The following ZNF365 variants were observed in gnomAD, a reference collection of about 807,000 sequenced individuals.
ZNF365 encodes the protein protein ZNF365.
A neutral mutation model predicts 35.0 loss-of-function variants in ZNF365; 22 were observed. That is an observed-to-expected ratio of 0.63 (90% CI 0.45 to 0.90). The LOEUF (loss-of-function observed/expected upper bound fraction) is 0.90. ZNF365 is among the 40% of genes least tolerant of loss of function. The pLI is 0.00. For synonymous variants in ZNF365, 188 were observed against 196.2 expected (o/e 0.96, Z 0.35); for missense variants, 448 against 500.3 (o/e 0.90, Z 1.00).
chr10:62,457,818 G>T (rs1412899710), intron 3 of ZNF365, among the ~76,000 whole-genome samples: 1 of 152,306 alleles, frequency 6.6e-6, no homozygotes, highest in East Asian at 1.9e-4. Context: ...GCATATCTGA[G>T]GTTGGTGGCT....
At chr10:62,457,955 C>G (rs1466116566) in intron 3 of ZNF365, among the ~76,000 whole-genome samples, 1 of 152,174 alleles carries the variant, frequency 6.6e-6, no homozygotes, top group Non-Finnish European at 1.5e-5. Flanking sequence ...TGTGGAATGC[C>G]AAATACCATA....
At chr10:62,439,412 C>G (rs1338271615) in intron 3 of ZNF365, among the ~76,000 whole-genome samples, 1 of 151,636 alleles carries the variant, frequency 6.6e-6, no homozygotes, top group Non-Finnish European at 1.5e-5. Context: ...TGTTGACTCA[C>G]TACCTAACAA....
At chr10:62,459,803 G>T in intron 4 of ZNF365, 1 of 1,606,248 alleles carries the variant, frequency 6.2e-7, no homozygotes, top group Non-Finnish European at 8.5e-7. Context: ...TGGAGGTAAA[G>T]CCACCACCTG....
chr10:62,454,345 T>A (rs1840729383), intron 3 of ZNF365, among the ~76,000 whole-genome samples: 1 of 152,242 alleles, frequency 6.6e-6, no homozygotes, highest in African/African-American at 2.4e-5. Flanking sequence ...TGCCAAGGAA[T>A]CCTGGGGCAC....
intron 3 of ZNF365, among the ~76,000 whole-genome samples, chr10:62,396,744 AC>A (rs1226921687): frequency 6.6e-6 from 1 of 152,206 alleles, no homozygotes; most frequent in East Asian, 1.9e-4. Context: ...ACATACACAC[AC>A]ATGTATTTGT....
chr10:62,472,572 G>A (rs1414629879), intron 4 of ZNF365, among the ~76,000 whole-genome samples: 1 of 152,112 alleles, frequency 6.6e-6, no homozygotes, highest in Non-Finnish European at 1.5e-5. Context: ...TGAGGAGAGG[G>A]GCCTGTGACA....
intron 4 of ZNF365, among the ~76,000 whole-genome samples, chr10:62,474,214 G>A (rs1008503292): frequency 6.6e-6 from 1 of 152,098 alleles, no homozygotes; most frequent in African/African-American, 2.4e-5. Flanking sequence ...TCATGGCTGG[G>A]GCCACCTTCC....
In ZNF365 at chr10:62,399,636, G is replaced by A. The variant is rs748458119; in HGVS notation, c.1071G>A (p.Met357Ile). Reference protein sequence around the residue: ...LKKAKDDRASMQPAKAIHEQA... With the variant: ...LKKAKDDRASIQPAKAIHEQA... ...AGGCCAAGGATGACAGAGCCAGCAT[G>A]CAGCCTGCCAAGGCCATTCACGAAC... The change falls in exon 5 of 5, where the codon ATG becomes ATA. Residue 357 changes from methionine to isoleucine, a missense_variant. Around this residue, in one of 3 missense-constraint regions of ZNF365, gnomAD observed 362 missense variants for 375.7 expected, o/e 0.96. Transcript: ENST00000395254. 1 of 1,614,178 alleles carries A rather than the reference G, an allele frequency of 6.2e-7. No individual in the cohort carries two copies. The highest frequency in any genetic ancestry group is 2.2e-5 in the East Asian group (1 of 44,882).
rs1374378888 is a variant in ZNF365, at chr10:62,376,863, G to A, written c.670G>A (p.Val224Met). The change falls in exon 2 of 5, where the codon GTG becomes ATG. Residue 224 changes from valine (V) to methionine (M), a missense_variant. Transcript: ENST00000395254. ...GCGGGCCTTAAACAGACAGGTGGAC[G>A]TGGCCGTGGAAATGATAGCTGTACT... The part of the protein sequence containing the change: ...RERALNRQVD[V>M]AVEMIAVLRQ... 5 of 1,614,168 alleles carry A rather than the reference G, an allele frequency of 3.1e-6. No homozygotes were observed. The highest frequency in any genetic ancestry group is 3.3e-5 in the Admixed American group (2 of 60,028).
chr10:62,390,044 A>G (rs1479118470), intron 3 of ZNF365, among the ~76,000 whole-genome samples: 1 of 151,998 alleles, frequency 6.6e-6, no homozygotes, highest in Admixed American at 6.5e-5. Context: ...GTCTTCTTTC[A>G]TCCTGCCCTC....
intron 3 of ZNF365, among the ~76,000 whole-genome samples, chr10:62,444,996 A>G (rs1436106468): frequency 2.0e-5 from 3 of 151,872 alleles, no homozygotes; most frequent in African/African-American, 4.8e-5. Flanking sequence ...TCATTGTTCA[A>G]TTCCCACCTA....
chr10:62,398,194 G>A (rs1839763836), intron 3 of ZNF365, among the ~76,000 whole-genome samples: 3 of 152,156 alleles, frequency 2.0e-5, no homozygotes, highest in South Asian at 4.1e-4. Context: ...TATGGAATCA[G>A]CCTAAGTGCC....
In ZNF365 at chr10:62,376,745, C is replaced by G. The variant is rs745928794; in HGVS notation, c.552C>G (p.Thr184=). ...RTIEKRIDKL[T]KELAQKTAEL... ...TTGAGAAGAGAATTGATAAACTCAC[C>G]AAAGAGTTGGCCCAGAAAACTGCGG... The change falls in exon 2 of 5, where the codon ACC becomes ACG. Residue 184 remains threonine (T), a synonymous_variant. Transcript: ENST00000395254. 47 of 1,614,064 alleles carry G rather than the reference C, an allele frequency of 2.9e-5. No homozygotes were observed. In the Admixed American group the frequency reaches 4.8e-4, roughly 17 times the overall value.
chr10:62,375,257 G>C (rs917755426), intron 1 of ZNF365, among the ~76,000 whole-genome samples: 3 of 152,168 alleles, frequency 2.0e-5, no homozygotes, highest in Admixed American at 2.0e-4. Flanking sequence ...GTTATTAAGA[G>C]AGTATGCTGA....
chr10:62,403,105 C>A (rs1391645806), downstream of ZNF365, among the ~76,000 whole-genome samples: 1 of 152,168 alleles, frequency 6.6e-6, no homozygotes, highest in Non-Finnish European at 1.5e-5. Context: ...CTACTGTTGA[C>A]CAGAAGCCCT....
chr10:62,418,365 C>A (rs191443470), intron 3 of ZNF365, among the ~76,000 whole-genome samples: 61 of 151,976 alleles, frequency 4.0e-4, no homozygotes, highest in African/African-American at 1.4e-3. Flanking sequence ...AGTTTTTAAA[C>A]AAAGTTTATA....
intron 4 of ZNF365, among the ~76,000 whole-genome samples, chr10:62,470,318 G>A (rs923336701): frequency 1.3e-5 from 2 of 152,156 alleles, no homozygotes; most frequent in Admixed American, 6.5e-5. Flanking sequence ...TCCCCATTGA[G>A]GGCGAGGAAT....
At chr10:62,477,274 C>T (rs1841147801) in intron 4 of ZNF365, among the ~76,000 whole-genome samples, 1 of 152,104 alleles carries the variant, frequency 6.6e-6, no homozygotes, top group Non-Finnish European at 1.5e-5. Context: ...TGAAAAGAGA[C>T]TGACATCTTA....
chr10:62,473,122 T>C (rs1841071555), intron 4 of ZNF365, among the ~76,000 whole-genome samples: 1 of 152,222 alleles, frequency 6.6e-6, no homozygotes, highest in Non-Finnish European at 1.5e-5. Flanking sequence ...TAAATGTGAC[T>C]TTACAGAACT....
Sources: allele counts gnomAD v4.1 joint callset (sites outside exome capture counted in the v4.1 genomes callset), GRCh38; gene constraint gnomAD v4.1.1; regional missense constraint gnomAD v4.1.1; transcripts MANE v1.5; gene names NCBI Gene and HGNC (gene_info 2026-07-23, HGNC 2026-07-21).